Variants in EPHB1 observed in about 807,000 individuals in gnomAD.
EPHB1 encodes the protein ephrin type-B receptor 1.
A neutral mutation model predicts 94.4 loss-of-function variants in EPHB1; 30 were observed. The observed-to-expected ratio is 0.32, with a 90% CI of 0.24 to 0.43. The LOEUF is 0.43. EPHB1 is among the 20% of genes least tolerant of loss of function. The pLI is 1.00. For synonymous variants in EPHB1, 522 were observed against 489.1 expected, an observed-to-expected ratio of 1.07 and a Z score of -0.89; for missense variants, 1,055 against 1,308.3, an observed-to-expected ratio of 0.81 and a Z score of 2.99.
At chr3:134,812,597 A>G (rs2036197900) in intron 1 of EPHB1, among the ~76,000 whole-genome samples, 2 of 152,272 alleles carry the variant, frequency 1.3e-5, no homozygotes, top group South Asian at 4.1e-4. Flanking sequence ...ATGTGAACAC[A>G]AAATGAAAAA....
chr3:135,241,275 A>G lies in EPHB1; in HGVS notation c.2474A>G (p.Tyr825Cys), dbSNP rs1255555341. 6.2e-7 allele frequency: 1 copy of G among 1,614,044 alleles called. No individual in the cohort carries two copies. Among genetic ancestry groups the G allele is most frequent in the East Asian group, 2.2e-5 (1 of 44,884 alleles). ...WEVMSFGERP[Y>C]WDMSNQDVIN... ...GTCATGTCATTTGGAGAGAGACCCT[A>G]TTGGGATATGTCCAACCAAGATGTG... The change falls in exon 13 of 16, where the codon TAT becomes TGT. Residue 825 changes from tyrosine (Y) to cysteine (C), a missense_variant. Physicochemically the swap from Tyr to Cys is radical, Grantham distance 194. Transcript: ENST00000398015.
chr3:135,139,136 A>G (rs1260787541), intron 5 of EPHB1, among the ~76,000 whole-genome samples: 1 of 152,238 alleles, frequency 6.6e-6, no homozygotes, highest in Admixed American at 6.5e-5. Flanking sequence ...GAGCATTAGT[A>G]TGTAAGTGTT....
chr3:135,153,674 C>T (rs1022262493), intron 5 of EPHB1, among the ~76,000 whole-genome samples: 37 of 152,156 alleles, frequency 2.4e-4, no homozygotes, highest in African/African-American at 8.7e-4. Flanking sequence ...CTAGAATGCT[C>T]CTTTCTGTTG....
At chr3:135,247,935 T>C (rs1943968161) in intron 13 of EPHB1, among the ~76,000 whole-genome samples, 1 of 152,200 alleles carries the variant, frequency 6.6e-6, no homozygotes, top group East Asian at 1.9e-4. Flanking sequence ...CCATGTGTCA[T>C]TGTTTCATCA....
chr3:135,045,045 C>T (rs1255661316), intron 3 of EPHB1, among the ~76,000 whole-genome samples: 1 of 152,038 alleles, frequency 6.6e-6, no homozygotes, highest in Non-Finnish European at 1.5e-5. Context: ...CAAAATGTGC[C>T]CACAGACCCC....
Position 135,258,130 on chromosome 3 carries a change from C to T in EPHB1, c.2847-882C>T, listed in dbSNP as rs575068126. Among the ~76,000 whole-genome samples the T allele has an allele frequency of 6.6e-3, 1,006 of 152,300 alleles. 8 individuals are homozygous for T. Among genetic ancestry groups the T allele is most frequent in the African/African-American group, 0.016 (684 of 41,564 alleles). On this transcript the variant is annotated intron_variant, in intron 15 of 15. Coordinates refer to ENST00000398015, the MANE Select transcript of EPHB1 (RefSeq NM_004441.5). The stretch of plus-strand genomic sequence containing the variant: ...CTGGCACTCCCTAGTGAGATGAACC[C>T]GGTACCTCAGATGGAAATGCAGAAA...
intron 3 of EPHB1, among the ~76,000 whole-genome samples, chr3:135,082,796 G>C (rs908344557): frequency 6.6e-6 from 1 of 152,206 alleles, no homozygotes; most frequent in African/African-American, 2.4e-5. Flanking sequence ...CCAAGCTTCC[G>C]CTTATTTAAT....
At chr3:135,223,303 G>A (rs369696303) in intron 12 of EPHB1, among the ~76,000 whole-genome samples, 2 of 152,154 alleles carry the variant, frequency 1.3e-5, no homozygotes, top group Non-Finnish European at 2.9e-5. Flanking sequence ...GGGAAACCTT[G>A]CAGGGCTCCA....
At chr3:134,925,726 A>G in intron 1 of EPHB1, 90 bp from the exon 2 acceptor site, 1 of 1,111,526 alleles carries the variant, frequency 9.0e-7, no homozygotes, top group Admixed American at 2.6e-5. Context: ...ATTTACTATC[A>G]CAAACAACTT....
chr3:134,927,118 G>C (rs72971655), intron 2 of EPHB1, among the ~76,000 whole-genome samples: 5,456 of 152,272 alleles, frequency 0.036, 109 homozygotes, highest in African/African-American at 0.055. Flanking sequence ...CTCTGTCCCA[G>C]ACCTTCTCTC....
In EPHB1 at chr3:134,882,746, CTT is replaced by C. The variant is rs1560280327; in HGVS notation, c.59-43069_59-43068del. Among the ~76,000 whole-genome samples, 161 of 66,816 alleles carry C rather than the reference CTT, an allele frequency of 2.4e-3. 1 individual carries two copies. The highest frequency in any genetic ancestry group is 9.0e-3 in the African/African-American group (141 of 15,602). 43.8% of individuals were successfully genotyped at this position (66,816 alleles called of 152,430 possible). The stretch of plus-strand genomic sequence containing the variant: ...TTCTTCTTTCCTTCTTTCCTTCTTT[CTT>C]CCTTTCTTCCTTCCTTCCTTTCTTT... On this transcript the variant is annotated intron_variant, in intron 1 of 15. Coordinates refer to ENST00000398015, the MANE Select transcript of EPHB1 (RefSeq NM_004441.5).
chr3:135,126,908 G>A (rs1940230457), intron 4 of EPHB1, among the ~76,000 whole-genome samples: 1 of 152,128 alleles, frequency 6.6e-6, no homozygotes, highest in African/African-American at 2.4e-5. Context: ...CTCAAGAAAG[G>A]GTGGCTGAAT....
Position 134,911,736 on chromosome 3 carries a change from G to A in EPHB1, c.59-14080G>A, listed in dbSNP as rs993425140. Among the ~76,000 whole-genome samples, 17 of 152,308 alleles carry A rather than the reference G, an allele frequency of 1.1e-4. No individual in the cohort carries two copies. In the East Asian group the frequency reaches 1.2e-3, roughly 10 times the overall value. On this transcript the variant is annotated intron_variant, in intron 1 of 15. Transcript: ENST00000398015. ...CAGCCTCCTGGAGGGTAGCTGCATGGTGATGCAGCCTTTGGAGCCTCAGCA... is the reference window on the plus strand; with the variant it reads ...CAGCCTCCTGGAGGGTAGCTGCATGATGATGCAGCCTTTGGAGCCTCAGCA...
At chr3:135,258,946 G>C in intron 15 of EPHB1, 66 bp from the exon 16 acceptor site, 5 of 1,275,812 alleles carry the variant, frequency 3.9e-6, no homozygotes, top group Non-Finnish European at 4.5e-6. Flanking sequence ...CTTTAGTGAT[G>C]AGTTTTGATC....
chr3:134,916,538 A>T (rs1030669847), intron 1 of EPHB1, among the ~76,000 whole-genome samples: 1 of 152,196 alleles, frequency 6.6e-6, no homozygotes, highest in Non-Finnish European at 1.5e-5. Flanking sequence ...GCGAGAATCG[A>T]GTGCAGCTCC....
At chr3:135,023,634 G>A (rs547548669) in intron 3 of EPHB1, among the ~76,000 whole-genome samples, 2 of 152,110 alleles carry the variant, frequency 1.3e-5, no homozygotes, top group Non-Finnish European at 2.9e-5. Context: ...CTCTGTTTCA[G>A]GCAAAAATCC....
At chr3:134,818,875 C>G (rs190402985) in intron 1 of EPHB1, among the ~76,000 whole-genome samples, 9 of 152,298 alleles carry the variant, frequency 5.9e-5, no homozygotes, top group Admixed American at 5.9e-4. Context: ...TGACTTTTCT[C>G]TCTGGGTCTC....
At chr3:135,055,446 G>T (rs1366634056) in intron 3 of EPHB1, among the ~76,000 whole-genome samples, 1 of 152,148 alleles carries the variant, frequency 6.6e-6, no homozygotes, top group Non-Finnish European at 1.5e-5. Context: ...CTCATACCAT[G>T]ATCCCCATTT....
At chr3:135,167,170 A>G (rs1941674902) in intron 9 of EPHB1, among the ~76,000 whole-genome samples, 164 bp downstream of exon 9, 1 of 152,140 alleles carries the variant, frequency 6.6e-6, no homozygotes, top group African/African-American at 2.4e-5. Flanking sequence ...CAGGGGCAAC[A>G]GGCTACCCTC....
Sources: gnomAD v4.1 joint callset for allele counts (sites outside exome capture counted in the v4.1 genomes callset) on GRCh38, gnomAD v4.1.1 for gene constraint, MANE v1.5 for transcripts, NCBI Gene and HGNC (gene_info 2026-07-23, HGNC 2026-07-21) for gene names.